The following SCHIP1 variants were observed in gnomAD, a reference collection of about 807,000 sequenced individuals.
The protein encoded by SCHIP1 is schwannomin-interacting protein 1.
Under a neutral mutation model 29.7 loss-of-function variants are expected in SCHIP1, and 8 were observed. The ratio of observed to expected loss-of-function variants is 0.27; its 90% CI spans 0.16 to 0.49. SCHIP1 has a LOEUF of 0.49. Ranked by LOEUF, SCHIP1 falls within the 20% of genes least tolerant of loss-of-function variation. The pLI, the probability that SCHIP1 is intolerant of heterozygous loss-of-function variation, is 0.99. For synonymous variants in SCHIP1, 76 were observed against 94.9 expected (o/e 0.80, Z 1.16); for missense variants, 193 against 294.6 (o/e 0.66, Z 2.52).
At chr3:159,725,352 C>T in the SCHIP1 span, among the ~76,000 whole-genome samples, 142 of 151,632 alleles carry the variant, frequency 9.4e-4, 4 homozygotes, top group South Asian at 9.6e-3. Flanking sequence ...TCACTGCAAC[C>T]TCTGCCTCCT....
chr3:159,866,842 C>T (rs913951895), intron 2 of SCHIP1, among the ~76,000 whole-genome samples: 3 of 152,038 alleles, frequency 2.0e-5, no homozygotes, highest in South Asian at 2.1e-4. Context: ...TGGTCATTTG[C>T]GTAGCTTCTA....
At chr3:159,697,448 G>A in the SCHIP1 span, among the ~76,000 whole-genome samples, 1 of 152,136 alleles carries the variant, frequency 6.6e-6, no homozygotes, top group Admixed American at 6.5e-5. Flanking sequence ...TTAAGGCCAA[G>A]GGGATGGATA....
At chr3:159,398,182 G>A in the SCHIP1 span, among the ~76,000 whole-genome samples, 1 of 152,108 alleles carries the variant, frequency 6.6e-6, no homozygotes, top group African/African-American at 2.4e-5. Flanking sequence ...CCCTGCTTCA[G>A]CTCACACACG....
the SCHIP1 span, among the ~76,000 whole-genome samples, chr3:159,601,408 G>T: frequency 6.6e-6 from 1 of 152,202 alleles, no homozygotes; most frequent in Non-Finnish European, 1.5e-5. Context: ...GCTTTAGCAT[G>T]AAGTCTCAGC....
chr3:159,321,220 C>A, the SCHIP1 span, among the ~76,000 whole-genome samples: 5 of 152,182 alleles, frequency 3.3e-5, no homozygotes, highest in Non-Finnish European at 2.9e-5. Context: ...CCACCTTGGC[C>A]TCCCAAAGTG....
At chr3:159,468,910 G>A in the SCHIP1 span, among the ~76,000 whole-genome samples, 3 of 151,374 alleles carry the variant, frequency 2.0e-5, no homozygotes, top group Non-Finnish European at 4.4e-5. Context: ...GGGACTACAG[G>A]AGCCCACCAC....
the SCHIP1 span, among the ~76,000 whole-genome samples, chr3:159,519,895 G>T: frequency 6.6e-6 from 1 of 151,072 alleles, no homozygotes. Context: ...ATGTATGTAT[G>T]CATGTACGTG....
chr3:159,538,472 T>C, the SCHIP1 span, among the ~76,000 whole-genome samples: 1 of 151,858 alleles, frequency 6.6e-6, no homozygotes, highest in African/African-American at 2.4e-5. Flanking sequence ...CTTTAAGGGA[T>C]ATGATTTTTC....
chr3:159,350,341 A>G, the SCHIP1 span, among the ~76,000 whole-genome samples: 2 of 152,170 alleles, frequency 1.3e-5, no homozygotes, highest in Non-Finnish European at 2.9e-5. Flanking sequence ...TGGTTATTTA[A>G]ATGAATTTTT....
chr3:159,362,928 T>C, the SCHIP1 span, among the ~76,000 whole-genome samples: 17 of 152,342 alleles, frequency 1.1e-4, no homozygotes, highest in South Asian at 8.3e-4. Flanking sequence ...CATTGCCTTC[T>C]GCTGTACTGG....
chr3:159,738,818 G>T, the SCHIP1 span, among the ~76,000 whole-genome samples: 1 of 152,206 alleles, frequency 6.6e-6, no homozygotes, highest in African/African-American at 2.4e-5. Flanking sequence ...GTGTGCGTGT[G>T]TTTTGCTCTT....
chr3:159,410,616 T>C, the SCHIP1 span, among the ~76,000 whole-genome samples: 9 of 152,112 alleles, frequency 5.9e-5, no homozygotes, highest in African/African-American at 2.2e-4. Context: ...TATCCAAAGA[T>C]AGGCAATACA....
At chr3:159,807,561 TTTTG>T in the SCHIP1 span, among the ~76,000 whole-genome samples, 5 of 152,278 alleles carry the variant, frequency 3.3e-5, no homozygotes, top group African/African-American at 7.2e-5. Context: ...CTTCAGTGGG[TTTTG>T]TTTGTTTTGC....
the SCHIP1 span, among the ~76,000 whole-genome samples, chr3:159,467,050 TTAA>T: frequency 6.6e-6 from 1 of 152,206 alleles, no homozygotes; most frequent in Admixed American, 6.5e-5. Flanking sequence ...AAACCTCCTG[TTAA>T]TACTTTGCTG....
chr3:159,867,797 A>C (rs1714777842), intron 2 of SCHIP1, among the ~76,000 whole-genome samples: 2 of 151,834 alleles, frequency 1.3e-5, no homozygotes, highest in African/African-American at 2.4e-5. Context: ...ACCATGTCTC[A>C]TTTTCTTCAT....
chr3:159,484,385 G>C, the SCHIP1 span, among the ~76,000 whole-genome samples: 1 of 152,128 alleles, frequency 6.6e-6, no homozygotes, highest in African/African-American at 2.4e-5. Context: ...CAGGCAATCC[G>C]TGTAGTTGGA....
chr3:159,889,930 A>C (rs1577500368), intron 5 of SCHIP1, among the ~76,000 whole-genome samples: 2 of 152,048 alleles, frequency 1.3e-5, no homozygotes, highest in East Asian at 3.9e-4. Context: ...CCCCATCTCT[A>C]TTAAAAATAC....
At chr3:159,558,599 G>T in the SCHIP1 span, among the ~76,000 whole-genome samples, 1 of 152,084 alleles carries the variant, frequency 6.6e-6, no homozygotes, top group African/African-American at 2.4e-5. Flanking sequence ...TGCCAAGAAG[G>T]GGAGTTATGG....
chr3:159,882,339 A>G (rs1716527881), intron 2 of SCHIP1, among the ~76,000 whole-genome samples: 1 of 152,142 alleles, frequency 6.6e-6, no homozygotes, highest in Admixed American at 6.6e-5. Context: ...TGCTGTGGAC[A>G]GGGGGATAAA....
Sources: gnomAD v4.1 joint callset for allele counts (sites outside exome capture counted in the v4.1 genomes callset) on GRCh38, gnomAD v4.1.1 for gene constraint, MANE v1.5 for transcripts, NCBI Gene and HGNC (gene_info 2026-07-23, HGNC 2026-07-21) for gene names.